Variants in DRD3 observed in about 807,000 individuals in gnomAD.
DRD3 encodes the protein D(3) dopamine receptor.
In DRD3, 19 loss-of-function variants were observed where a neutral mutation model predicts 36.3. The ratio of observed to expected loss-of-function variants is 0.52; its 90% CI spans 0.36 to 0.77. DRD3 has a LOEUF of 0.77. Ranked by LOEUF, DRD3 falls within the 30% of genes least tolerant of loss-of-function variation. The pLI is 0.00. For missense variants in DRD3, 465 were observed against 505.3 expected (o/e 0.92, Z 0.77); for synonymous variants, 195 against 203.7 (o/e 0.96, Z 0.36).
At chr3:114,186,092 CA>C (rs1326578846) in intron 1 of DRD3, among the ~76,000 whole-genome samples, 2 of 152,188 alleles carry the variant, frequency 1.3e-5, no homozygotes, top group Non-Finnish European at 2.9e-5. Context: ...TCTAAATCTG[CA>C]CCTTTCCCTA....
chr3:114,128,878 CAAG>C lies in DRD3; in HGVS notation c.1038_1040del (p.Phe346del), dbSNP rs2077401564. ...GGCAGTGGGTATTGAGAACATGGGTCAAGAAGAAGGGCAGCCAGCAGACAATGA... is the reference window on the plus strand; with the variant it reads ...GGCAGTGGGTATTGAGAACATGGGTCAAGAAGGGCAGCCAGCAGACAATGA... On this transcript the variant is annotated inframe_deletion, in exon 7 of 7. Coordinates refer to ENST00000383673, the MANE Select transcript of DRD3 (RefSeq NM_000796.6). 1 of 1,607,964 alleles carries C rather than the reference CAAG, an allele frequency of 6.2e-7. No homozygotes were observed.
At chr3:114,159,894 T>C (rs1429648923) in intron 2 of DRD3, 27 bp from the exon 3 acceptor site, 2 of 1,605,046 alleles carry the variant, frequency 1.2e-6, no homozygotes, top group Admixed American at 1.7e-5. Context: ...AGGATGTTAG[T>C]GTTTACCCCA....
chr3:114,129,443 C>T (rs2077407698), intron 6 of DRD3, among the ~76,000 whole-genome samples: 1 of 152,176 alleles, frequency 6.6e-6, no homozygotes, highest in Non-Finnish European at 1.5e-5. Context: ...GTCTTTCATT[C>T]ACTTTGGCCT....
At chr3:114,149,351 A>G (rs529136708) in intron 3 of DRD3, among the ~76,000 whole-genome samples, 68 of 152,288 alleles carry the variant, frequency 4.5e-4, no homozygotes, top group African/African-American at 1.5e-3. Context: ...TATCCATTGC[A>G]ATATCTTCCC....
At chr3:114,157,334 G>A (rs2077691420) in intron 3 of DRD3, among the ~76,000 whole-genome samples, 1 of 152,108 alleles carries the variant, frequency 6.6e-6, no homozygotes, top group South Asian at 2.1e-4. Flanking sequence ...GATTACAGGA[G>A]TAAGCCACCG....
chr3:114,199,334 G>A (rs1230269869), exon 1 of DRD3: 1 of 152,604 alleles, frequency 6.6e-6, no homozygotes. Flanking sequence ...CCTTTGTGCT[G>A]TGTCATCTCA....
At chr3:114,176,945 T>C (rs904323752) in intron 1 of DRD3, among the ~76,000 whole-genome samples, 2 of 152,016 alleles carry the variant, frequency 1.3e-5, no homozygotes, top group Admixed American at 1.3e-4. Flanking sequence ...AAAAGGTGAG[T>C]CACAGAGAGG....
intron 5 of DRD3, among the ~76,000 whole-genome samples, chr3:114,131,641 A>C (rs1202634155): frequency 6.6e-6 from 1 of 152,216 alleles, no homozygotes; most frequent in African/African-American, 2.4e-5. Context: ...AGCCTACAGA[A>C]TGGGAGAAAA....
rs200783554 is a variant in DRD3 at position 114,139,678 on chromosome 3, G to T, written c.545C>A (p.Ser182Tyr). 2 of 1,614,140 alleles carry T rather than the reference G, an allele frequency of 1.2e-6. No individual in the cohort carries two copies. The highest frequency in any genetic ancestry group is 1.7e-6 in the Non-Finnish European group (2 of 1,180,010). Reference protein sequence around the residue: ...FNTTGDPTVCSISNPDFVIYS... With the variant: ...FNTTGDPTVCYISNPDFVIYS... ...GATGACAAAATCAGGGTTGGAGATG[G>T]AGCAGACAGTGGGGTCCCCTGTGGA... is the stretch of plus-strand genomic sequence containing the variant. The change falls in exon 5 of 7, where the codon TCC (serine) becomes TAC (tyrosine). Residue 182 changes from serine to tyrosine, a missense_variant. Physicochemically the swap from Ser to Tyr is moderately radical, Grantham distance 144 (BLOSUM62 -2). Coordinates refer to ENST00000383673, the MANE Select transcript of DRD3 (RefSeq NM_000796.6).
At chr3:114,189,379 A>C (rs9813633) in intron 1 of DRD3, among the ~76,000 whole-genome samples, 18,859 of 152,166 alleles carry the variant, frequency 0.12, 2,340 homozygotes, top group African/African-American at 0.32. Context: ...CTTGCTATAT[A>C]CTTGTTGCAT....
At chr3:114,184,343 C>T (rs180940073) in intron 1 of DRD3, among the ~76,000 whole-genome samples, 9 of 152,084 alleles carry the variant, frequency 5.9e-5, no homozygotes, top group East Asian at 1.9e-4. Context: ...ATTTTAAATG[C>T]GTTAGTCTCT....
chr3:114,138,032 G>C (rs1245447215), intron 5 of DRD3, among the ~76,000 whole-genome samples: 2 of 148,872 alleles, frequency 1.3e-5, no homozygotes, highest in East Asian at 3.9e-4. Context: ...AGCCAGATGT[G>C]TTGGTGGGCA....
chr3:114,142,368 C>T (rs1310283430), intron 4 of DRD3, among the ~76,000 whole-genome samples: 4 of 152,168 alleles, frequency 2.6e-5, no homozygotes, highest in South Asian at 2.1e-4. Flanking sequence ...CTTGGTGTCC[C>T]GGATATTCCC....
chr3:114,134,364 T>C (rs952749789), intron 5 of DRD3, among the ~76,000 whole-genome samples: 3 of 151,340 alleles, frequency 2.0e-5, no homozygotes, highest in Admixed American at 6.6e-5. Flanking sequence ...TCCAAAAGTG[T>C]TGGGATTACA....
chr3:114,142,047 C>CAAAAAAAAAA (rs771946847), intron 4 of DRD3, among the ~76,000 whole-genome samples: 16 of 64,710 alleles, frequency 2.5e-4, no homozygotes, highest in African/African-American at 4.5e-4. Flanking sequence ...GACTCTCTCT[C>CAAAAAAAAAA]AAAAAAAAAA....
chr3:114,131,490 G>A lies in DRD3; in HGVS notation c.724-90C>T, dbSNP rs1559979577. Reference sequence around the variant, plus strand: ...TGAAAGGGCCAGAGAATTCAAAGAAGGAAGACGGCAACACAGTTGTGGGAA... The same window carrying A: ...TGAAAGGGCCAGAGAATTCAAAGAAAGAAGACGGCAACACAGTTGTGGGAA... On this transcript the variant is annotated intron_variant, in intron 5 of 6. Transcript: ENST00000383673. 4.0e-6 allele frequency: 6 copies of A among 1,489,408 alleles called. No individual in the cohort carries two copies. In the East Asian group the frequency reaches 6.8e-5, roughly 17 times the overall value. 92.3% of individuals were successfully genotyped at this position (1,489,408 alleles called of 1,614,324 possible).
At chr3:114,137,901 G>A (rs2077488516) in intron 5 of DRD3, among the ~76,000 whole-genome samples, 1 of 150,614 alleles carries the variant, frequency 6.6e-6, no homozygotes. Context: ...GGGAGGCTGA[G>A]GCAGGAGAAT....
intron 5 of DRD3, 67 bp downstream of exon 5, chr3:114,139,433 C>G (rs1471223168): frequency 2.0e-6 from 3 of 1,517,574 alleles, no homozygotes; most frequent in Non-Finnish European, 2.7e-6. Context: ...TCATGCACTG[C>G]TGGACACAGG....
intron 6 of DRD3, among the ~76,000 whole-genome samples, chr3:114,129,660 A>T (rs1350319468): frequency 6.6e-6 from 1 of 152,232 alleles, no homozygotes; most frequent in East Asian, 1.9e-4. Flanking sequence ...AAACTCCCTG[A>T]TACAGGAGAG....
Sources: allele counts gnomAD v4.1 joint callset (sites outside exome capture counted in the v4.1 genomes callset), GRCh38; gene constraint gnomAD v4.1.1; transcripts MANE v1.5; gene names NCBI Gene and HGNC (gene_info 2026-07-23, HGNC 2026-07-21).